EPB41L5: variants seen among roughly 807,000 people sequenced by gnomAD.
The protein encoded by EPB41L5 is erythrocyte membrane protein band 4.1 like 5, also known as band 4.1-like protein 5.
A neutral mutation model predicts 106.6 loss-of-function variants in EPB41L5; 55 were observed. That is an observed-to-expected ratio of 0.52 (90% CI 0.42 to 0.65). The LOEUF is 0.65. Ranked by LOEUF, EPB41L5 falls within the 30% of genes least tolerant of loss-of-function variation. The pLI is 0.00. For missense variants in EPB41L5, 871 were observed against 882.1 expected, an observed-to-expected ratio of 0.99 and a Z score of 0.16; for synonymous variants, 297 against 306.7, an observed-to-expected ratio of 0.97 and a Z score of 0.33.
intron 3 of EPB41L5, among the ~76,000 whole-genome samples, chr2:120,064,151 C>T (rs908689544): frequency 4.6e-5 from 7 of 152,152 alleles, no homozygotes; most frequent in Admixed American, 1.3e-4. Flanking sequence ...AACACAGTAA[C>T]GCTATGTATT....
intron 17 of EPB41L5, among the ~76,000 whole-genome samples, chr2:120,130,189 A>G (rs1180985743): frequency 6.6e-6 from 1 of 150,978 alleles, no homozygotes; most frequent in Non-Finnish European, 1.5e-5. Context: ...TGAGCACCTC[A>G]TTACAGAAAG....
At chr2:120,154,761 C>A (rs1686831667) in intron 20 of EPB41L5, among the ~76,000 whole-genome samples, 1 of 151,898 alleles carries the variant, frequency 6.6e-6, no homozygotes, top group African/African-American at 2.4e-5. Flanking sequence ...CCCGTCTCTG[C>A]TAAAAATACA....
chr2:120,075,604 A>G, intron 6 of EPB41L5, 84 bp downstream of exon 6: 3 of 1,423,650 alleles, frequency 2.1e-6, no homozygotes, highest in Non-Finnish European at 3.0e-6. Flanking sequence ...TAGTTGTAAA[A>G]AAGAAATGGT....
chr2:120,085,518 T>C (rs1290085084), intron 10 of EPB41L5, among the ~76,000 whole-genome samples: 2 of 152,214 alleles, frequency 1.3e-5, no homozygotes, highest in African/African-American at 2.4e-5. Context: ...AGTGTGCCAC[T>C]ACTGGAGGGT....
At chr2:120,134,404 C>A (rs1685834399) in intron 18 of EPB41L5, among the ~76,000 whole-genome samples, 1 of 152,090 alleles carries the variant, frequency 6.6e-6, no homozygotes, top group African/African-American at 2.4e-5. Context: ...TGGCTGGATT[C>A]ACCACTTGCT....
intron 3 of EPB41L5, among the ~76,000 whole-genome samples, chr2:120,043,091 A>G (rs1679521336): frequency 6.6e-6 from 1 of 150,572 alleles, no homozygotes; most frequent in Admixed American, 6.7e-5. Context: ...CATCTGGGCT[A>G]AGTTTACAGC....
chr2:120,119,727 AC>A (rs1367299081), intron 16 of EPB41L5, among the ~76,000 whole-genome samples: 2 of 152,220 alleles, frequency 1.3e-5, no homozygotes, highest in African/African-American at 4.8e-5. Flanking sequence ...TTAAAAACAT[AC>A]ATAAATATAG....
intron 18 of EPB41L5, among the ~76,000 whole-genome samples, chr2:120,137,051 AAATC>A (rs1256805917): frequency 6.6e-6 from 1 of 152,118 alleles, no homozygotes; most frequent in Non-Finnish European, 1.5e-5. Context: ...ATAAAACTAG[AAATC>A]AATAACAAGA....
chr2:120,122,405 T>G (rs1330133060), intron 16 of EPB41L5, among the ~76,000 whole-genome samples: 1 of 152,264 alleles, frequency 6.6e-6, no homozygotes, highest in Non-Finnish European at 1.5e-5. Context: ...GCTAGCCAGT[T>G]TTCCCAGCAC....
At chr2:120,082,794 G>A (rs1255281270) in intron 10 of EPB41L5, among the ~76,000 whole-genome samples, 2 of 152,094 alleles carry the variant, frequency 1.3e-5, no homozygotes, top group Admixed American at 6.6e-5. Context: ...CCTGTTATTG[G>A]TCTATTCAGG....
intron 14 of EPB41L5, among the ~76,000 whole-genome samples, chr2:120,098,479 C>T (rs1683917239): frequency 1.3e-5 from 2 of 152,098 alleles, no homozygotes; most frequent in South Asian, 4.1e-4. Flanking sequence ...CCTGAGAGTG[C>T]TAGGATTACA....
chr2:120,088,169 G>T (rs1405947990), intron 11 of EPB41L5, among the ~76,000 whole-genome samples: 4 of 150,462 alleles, frequency 2.7e-5, no homozygotes, highest in Admixed American at 2.0e-4. Flanking sequence ...TTTTTTTTTT[G>T]AATCCAGTTC....
At chr2:120,093,864 A>G (rs1456739981) in intron 14 of EPB41L5, among the ~76,000 whole-genome samples, 1 of 152,190 alleles carries the variant, frequency 6.6e-6, no homozygotes, top group Non-Finnish European at 1.5e-5. Flanking sequence ...AATAATGGGT[A>G]TTAATTATTT....
chr2:120,123,458 A>G (rs1685319104), intron 16 of EPB41L5, among the ~76,000 whole-genome samples: 1 of 152,014 alleles, frequency 6.6e-6, no homozygotes, highest in Non-Finnish European at 1.5e-5. Flanking sequence ...TACTGTATTG[A>G]TCCATATAAA....
At chr2:120,128,953 G>A (rs914754223) in intron 17 of EPB41L5, among the ~76,000 whole-genome samples, 7 of 152,052 alleles carry the variant, frequency 4.6e-5, no homozygotes, top group African/African-American at 1.7e-4. Context: ...TGTTAGCAAT[G>A]CTTGCTCTTG....
chr2:120,019,785 C>T (rs1677801509), intron 2 of EPB41L5, among the ~76,000 whole-genome samples: 1 of 152,170 alleles, frequency 6.6e-6, no homozygotes, highest in African/African-American at 2.4e-5. Context: ...AAAGGACTTT[C>T]TTCATACCCC....
At chr2:120,140,202 A>G (rs1184632401) in intron 18 of EPB41L5, among the ~76,000 whole-genome samples, 3 of 151,986 alleles carry the variant, frequency 2.0e-5, no homozygotes, top group Non-Finnish European at 4.4e-5. Flanking sequence ...CTACAAAAGT[A>G]TAGTTAGAGT....
intron 2 of EPB41L5, among the ~76,000 whole-genome samples, chr2:120,019,909 A>G (rs887964279): frequency 9.3e-5 from 1 of 10,756 alleles, no homozygotes; most frequent in African/African-American, 2.4e-4. Context: ...CATTTTGGAT[A>G]GATTTTTTTT....
Position 120,034,822 on chromosome 2 carries a change from C to T in EPB41L5, c.181-7184C>T, listed in dbSNP as rs529557174. On this transcript the variant is annotated intron_variant, in intron 2 of 24. Coordinates refer to ENST00000263713, the MANE Select transcript of EPB41L5 (RefSeq NM_020909.4). ...CAAGGCTGTGGTGAGCCATGCATGC[C>T]GCTGCACTGTAACCTGGGTAACAGA... 3.0e-4 allele frequency among the ~76,000 whole-genome samples: 46 copies of T among 152,268 alleles called. 1 individual carries two copies. Among genetic ancestry groups the T allele is most frequent in the Admixed American group, 7.8e-4 (12 of 15,298 alleles).
Sources: allele counts gnomAD v4.1 joint callset (sites outside exome capture counted in the v4.1 genomes callset), GRCh38; gene constraint gnomAD v4.1.1; transcripts MANE v1.5; gene names NCBI Gene and HGNC (gene_info 2026-07-23, HGNC 2026-07-21).